Variants in PPOX observed in about 807,000 individuals in gnomAD.
PPOX encodes the protein protoporphyrinogen oxidase, also known as variegate porphyria.
In PPOX, 23 loss-of-function variants were observed where a neutral mutation model predicts 54.1. The ratio of observed to expected loss-of-function variants is 0.43; its 90% CI spans 0.31 to 0.60. The LOEUF (loss-of-function observed/expected upper bound fraction) is 0.60, where lower values mean the gene tolerates loss of function less well. PPOX is among the 20% of genes least tolerant of loss of function. The pLI, the probability that PPOX is intolerant of heterozygous loss-of-function variation, is 0.13. For synonymous variants in PPOX, 224 were observed against 236.1 expected (o/e 0.95, Z 0.47); for missense variants, 512 against 601.1 (o/e 0.85, Z 1.55).
downstream of PPOX, chr1:161,177,235 T>C (rs1663951198): frequency 3.0e-6 from 2 of 663,842 alleles, no homozygotes; most frequent in Admixed American, 2.9e-5. Context: ...ACGCCCATCC[T>C]ATCCCAGTCT....
At chr1:161,167,917 G>T in intron 4 of PPOX, 78 bp from the exon 5 acceptor site, 1 of 1,607,198 alleles carries the variant, frequency 6.2e-7, no homozygotes, top group South Asian at 1.1e-5. Flanking sequence ...GAAGCCAAAT[G>T]AGTGGAAATG....
Position 161,171,163 on chromosome 1 carries a change from A to G in PPOX, c.1421A>G (p.Glu474Gly), listed in dbSNP as rs202103290. ...RQAAVSVLGTEPNS is the reference protein window; with the variant it reads ...RQAAVSVLGTGPNS The stretch of plus-strand genomic sequence containing the variant: ...GCAGCAGTCAGTGTCCTGGGCACAG[A>G]ACCTAACAGCTGATCCCCAACTCTC... The change falls in exon 13 of 13, where the codon GAA becomes GGA. Residue 474 changes from glutamate to glycine, a missense_variant. Physicochemically the swap from Glu to Gly is moderately conservative, Grantham distance 98 (BLOSUM62 -2). Coordinates refer to ENST00000367999, the MANE Select transcript of PPOX (RefSeq NM_001122764.3). 128 of 1,613,286 alleles carry G rather than the reference A, an allele frequency of 7.9e-5. 1 individual carries two copies. The South Asian group carries it at 1.2e-3, about 15-fold the overall frequency.
Position 161,168,582 on chromosome 1 carries a change from G to A in PPOX, c.616+6G>A. On this transcript the variant is annotated splice_donor_region_variant and intron_variant, in intron 6 of 12. Transcript: ENST00000367999. ...GGGCCTGCTGCTGGGGGCAGGTGAG[G>A]GGGGATTGATTCAGAGGGTGAAAAT... 1.9e-6 allele frequency: 3 copies of A among 1,613,940 alleles called. No individual in the cohort carries two copies. The highest frequency in any genetic ancestry group is 2.5e-6 in the Non-Finnish European group (3 of 1,179,964).
At chr1:161,167,608 A>G (rs1659555856) in intron 4 of PPOX, 122 bp downstream of exon 4, 1 of 1,262,124 alleles carries the variant, frequency 7.9e-7, no homozygotes, top group Non-Finnish European at 1.0e-6. Flanking sequence ...GCTCTCGCCC[A>G]GGATGGAGTG....
In PPOX at chr1:161,170,484, G is replaced by A. The variant is rs774289225; in HGVS notation, c.1063G>A (p.Glu355Lys). 5.0e-6 allele frequency: 8 copies of A among 1,614,126 alleles called. No individual in the cohort carries two copies. Among genetic ancestry groups the A allele is most frequent in the African/African-American group, 2.7e-5 (2 of 74,940 alleles). The change falls in exon 10 of 13, where the codon GAG (glutamate) becomes AAG (lysine). Residue 355 changes from glutamate to lysine, a missense_variant. Glu to Lys is a moderately conservative substitution (Grantham distance 56). Coordinates refer to ENST00000367999, the MANE Select transcript of PPOX (RefSeq NM_001122764.3). ...CGTGTATGACTCAGTTGCTTTCCCT[G>A]AGCAGGACGGGAGCCCCCCTGGCCT... ...GIVYDSVAFP[E>K]QDGSPPGLRV...
In PPOX at chr1:161,167,095, G is replaced by T; in HGVS notation, c.88-5G>T. On this transcript the variant is annotated splice_polypyrimidine_tract_variant and splice_region_variant and intron_variant, in intron 2 of 12. Transcript: ENST00000367999. Reference sequence around the variant, plus strand: ...TGCTGCAGTGTCTCTCCCTCTTGTCGCCAGGTGGTCCTAGTGGAGAGCAGT... The same window carrying T: ...TGCTGCAGTGTCTCTCCCTCTTGTCTCCAGGTGGTCCTAGTGGAGAGCAGT... The T allele has an allele frequency of 6.2e-7, 1 of 1,614,156 alleles. No individual in the cohort carries two copies. The highest frequency in any genetic ancestry group is 1.1e-5 in the South Asian group (1 of 91,086).
downstream of PPOX, chr1:161,175,329 G>A: frequency 9.5e-7 from 1 of 1,048,748 alleles, no homozygotes; most frequent in South Asian, 1.4e-5. Context: ...CTGGTTCTGG[G>A]GCTTAGTTCT....
intron 6 of PPOX, 92 bp downstream of exon 6, chr1:161,168,668 TC>T: frequency 6.6e-7 from 1 of 1,524,682 alleles, no homozygotes. Flanking sequence ...ATTCTTTTTT[TC>T]TTTTTTGAGA....
rs1180466916 is a variant in PPOX at position 161,168,068 on chromosome 1, C to T, written c.412C>T (p.Arg138Trp). 5.6e-6 allele frequency: 9 copies of T among 1,614,162 alleles called. No homozygotes were observed. The highest frequency in any genetic ancestry group is 7.6e-6 in the Non-Finnish European group (9 of 1,180,032). Reference protein sequence around the residue: ...WAGLRELTKPRGKEPDETVHS... With the variant: ...WAGLRELTKPWGKEPDETVHS... Reference sequence around the variant, plus strand: ...TGGGCTGAGGGAGCTGACCAAGCCCCGGGGCAAAGAGCCTGATGAGACTGT... The same window carrying T: ...TGGGCTGAGGGAGCTGACCAAGCCCTGGGGCAAAGAGCCTGATGAGACTGT... The change falls in exon 5 of 13, where the codon CGG becomes TGG. Residue 138 changes from arginine (R) to tryptophan (W), a missense_variant. Transcript: ENST00000367999.
At chr1:161,177,322 G>C, downstream of PPOX, 1 of 529,154 alleles carries the variant, frequency 1.9e-6, no homozygotes, top group Non-Finnish European at 3.4e-6. Context: ...CCCCGTCCCT[G>C]CTCAGGCTCG....
chr1:161,177,287 C>G (rs1039437582), downstream of PPOX: 1 of 576,162 alleles, frequency 1.7e-6, no homozygotes, highest in African/African-American at 1.9e-5. Context: ...GCCCGCCCGG[C>G]CCCCGTCCAT....
chr1:161,172,763 C>T (rs1377276987), downstream of PPOX, among the ~76,000 whole-genome samples: 1 of 151,704 alleles, frequency 6.6e-6, no homozygotes, highest in Non-Finnish European at 1.5e-5. Flanking sequence ...TGCAGTGGCT[C>T]ACACCTGCAA....
downstream of PPOX, chr1:161,172,188 T>C (rs1187969768): frequency 6.2e-7 from 1 of 1,612,794 alleles, no homozygotes; most frequent in South Asian, 1.1e-5. Context: ...ACCCTGAGGA[T>C]CCAGTAACAA....
chr1:161,170,588 C>G (rs1363712719), intron 10 of PPOX, 32 bp from the exon 11 acceptor site: 3 of 1,614,028 alleles, frequency 1.9e-6, no homozygotes, highest in Admixed American at 3.3e-5. Flanking sequence ...GTAGGCAAGG[C>G]CAGACTGATC....
downstream of PPOX, chr1:161,171,752 G>A: frequency 6.3e-7 from 1 of 1,577,190 alleles, no homozygotes; most frequent in Non-Finnish European, 8.7e-7. Context: ...GTGAGGAGCT[G>A]AGGGTGGGGA....
intron 4 of PPOX, chr1:161,176,612 C>A (rs1315786622): frequency 1.8e-6 from 1 of 555,286 alleles, no homozygotes; most frequent in Admixed American, 3.1e-5. Context: ...TAACTAGCTA[C>A]CTGCACCGCC....
intron 5 of PPOX, 114 bp from the exon 6 acceptor site, chr1:161,168,318 G>A: frequency 6.4e-7 from 1 of 1,569,800 alleles, no homozygotes; most frequent in Non-Finnish European, 8.8e-7. Flanking sequence ...GTCACAGTGG[G>A]AATGTCCCCC....
At chr1:161,170,386 C>T (rs372286550) in intron 9 of PPOX, 23 bp from the exon 10 acceptor site, 103 of 1,387,022 alleles carry the variant, frequency 7.4e-5, no homozygotes, top group African/African-American at 1.3e-4. Flanking sequence ...TTCCTTCTGA[C>T]GCATGAATGT....
At chr1:161,175,913 G>A (rs766890345), downstream of PPOX, 3 of 1,614,184 alleles carry the variant, frequency 1.9e-6, no homozygotes, top group East Asian at 2.2e-5. Flanking sequence ...TCACGAGGGT[G>A]AGAATAGTCA....
Sources: allele counts gnomAD v4.1 joint callset (sites outside exome capture counted in the v4.1 genomes callset), GRCh38; gene constraint gnomAD v4.1.1; transcripts MANE v1.5; gene names NCBI Gene and HGNC (gene_info 2026-07-23, HGNC 2026-07-21).